TRMT1: variants seen among roughly 807,000 people sequenced by gnomAD.
TRMT1 encodes the protein tRNA (guanine(26)-N(2))-dimethyltransferase.
A neutral mutation model predicts 75.4 loss-of-function variants in TRMT1; 63 were observed. The observed-to-expected ratio is 0.84, with a 90% CI of 0.68 to 1.03. TRMT1 has a LOEUF of 1.03. Among genes scored for constraint, TRMT1 ranks in the 50% least tolerant of loss-of-function variants. The pLI is 0.00. For missense variants in TRMT1, 870 were observed against 905.3 expected (o/e 0.96, Z 0.50); for synonymous variants, 382 against 358.1 (o/e 1.07, Z -0.75).
chr19:13,107,493 C>A, intron 14 of TRMT1, 81 bp downstream of exon 14: 1 of 1,454,180 alleles, frequency 6.9e-7, no homozygotes, highest in Non-Finnish European at 9.4e-7. Flanking sequence ...CTGTGTGGGG[C>A]AGCATCTGTG....
At position 13,105,321 on chromosome 19, in the gene TRMT1, A is replaced by G. The variant is rs1426224282; in HGVS notation, c.1779T>C (p.Asp593=). 2 of 1,614,024 alleles carry G rather than the reference A, an allele frequency of 1.2e-6. No individual in the cohort carries two copies. Among genetic ancestry groups the G allele is most frequent in the Non-Finnish European group, 1.7e-6 (2 of 1,180,018 alleles). ...TGAGCCGGGCAGCCCGCTGGGCCACATCTTCCGGCGGCTCCTTCCGCTTGT... is the reference window on the plus strand; with the variant it reads ...TGAGCCGGGCAGCCCGCTGGGCCACGTCTTCCGGCGGCTCCTTCCGCTTGT... The part of the protein sequence containing the change: ...LQNKRKEPPE[D]VAQRAARLKT... Residue 593 remains aspartate (D), a synonymous_variant, in exon 16 of 17, where the codon GAT becomes GAC. Transcript: ENST00000357720.
chr19:13,111,334 C>A (rs2019130585), intron 7 of TRMT1, among the ~76,000 whole-genome samples: 1 of 152,120 alleles, frequency 6.6e-6, no homozygotes, highest in Admixed American at 6.5e-5. Context: ...CTGCACTTCG[C>A]CACTCAGCCT....
chr19:13,114,156 G>A (rs1280464288), intron 5 of TRMT1, among the ~76,000 whole-genome samples: 1 of 152,174 alleles, frequency 6.6e-6, no homozygotes, highest in Non-Finnish European at 1.5e-5. Flanking sequence ...AGTCATATGT[G>A]GTCCCTACTG....
chr19:13,105,543 C>T lies in TRMT1; in HGVS notation c.1647G>A (p.Lys549=). ...ANPSSRQRGL[K]RFQANPEANW... ...TGGCCTCCGGGTTAGCCTGGAAGCG[C>T]TTGAGTCCTCGCTGTCGGGAGCTGG... is the stretch of plus-strand genomic sequence containing the variant. The change falls in exon 15 of 17, where the codon AAG becomes AAA. Residue 549 remains lysine, a synonymous_variant. Transcript: ENST00000357720. 1 of 1,614,062 alleles carries T rather than the reference C, an allele frequency of 6.2e-7. No homozygotes were observed. The highest frequency in any genetic ancestry group is 8.5e-7 in the Non-Finnish European group (1 of 1,180,018).
At chr19:13,108,147 C>T (rs992938185) in intron 12 of TRMT1, among the ~76,000 whole-genome samples, 2 of 151,678 alleles carry the variant, frequency 1.3e-5, no homozygotes, top group African/African-American at 4.8e-5. Context: ...TGTGCCACCA[C>T]GCCCAGCTAA....
intron 7 of TRMT1, among the ~76,000 whole-genome samples, chr19:13,110,882 G>A (rs1029293852): frequency 3.9e-5 from 6 of 152,200 alleles, no homozygotes; most frequent in East Asian, 1.9e-4. Context: ...CCTGGGAGGC[G>A]AAGGTTGCAG....
chr19:13,109,521 C>G, intron 11 of TRMT1, 29 bp downstream of exon 11: 6 of 1,613,936 alleles, frequency 3.7e-6, no homozygotes, highest in Middle Eastern at 1.7e-4. Context: ...CAGGTGGAGC[C>G]CCCTTCCCCG....
In TRMT1 at chr19:13,116,289, C is replaced by T. The variant is rs2019354266; in HGVS notation, c.111G>A (p.Met37Ile). The T allele has an allele frequency of 1.2e-6, 2 of 1,614,140 alleles. No homozygotes were observed. ...QSPGLPNTAA[M>I]ENGTGPYGEE... Reference sequence around the variant, plus strand: ...CTCCGTAGGGCCCGGTGCCGTTCTCCATCGCTGCTGTATTCGGCAGCCCTG... The same window carrying T: ...CTCCGTAGGGCCCGGTGCCGTTCTCTATCGCTGCTGTATTCGGCAGCCCTG... The change falls in exon 2 of 17, where the codon ATG (methionine) becomes ATA (isoleucine). Residue 37 changes from methionine (M) to isoleucine (I), a missense_variant. By Grantham distance (10) the Met-to-Ile change is conservative. Transcript: ENST00000357720.
At chr19:13,115,894 G>A in intron 3 of TRMT1, 103 bp downstream of exon 3, 1 of 1,607,518 alleles carries the variant, frequency 6.2e-7, no homozygotes, top group Non-Finnish European at 8.5e-7. Flanking sequence ...CCCAGGGCCT[G>A]CTATGTGGCT....
chr19:13,113,146 C>T (rs1408916715), intron 5 of TRMT1, 135 bp from the exon 6 acceptor site: 2 of 506,712 alleles, frequency 3.9e-6, no homozygotes, highest in African/African-American at 2.0e-5. Flanking sequence ...AGTCCTGGCT[C>T]AGTCATTTAT....
At chr19:13,115,082 A>G (rs1458244707) in intron 5 of TRMT1, among the ~76,000 whole-genome samples, 197 bp downstream of exon 5, 1 of 152,232 alleles carries the variant, frequency 6.6e-6, no homozygotes, top group Non-Finnish European at 1.5e-5. Context: ...GGCACAGAGT[A>G]TGGATCATAC....
intron 12 of TRMT1, among the ~76,000 whole-genome samples, chr19:13,108,221 C>T (rs1653868771): frequency 6.6e-6 from 1 of 151,796 alleles, no homozygotes; most frequent in African/African-American, 2.4e-5. Flanking sequence ...GATCTCTTAA[C>T]CTTGTGATCC....
rs1446089679 is a variant in TRMT1 at position 13,115,754 on chromosome 19, C to T, written c.325G>A (p.Glu109Lys). 11 of 1,614,022 alleles carry T rather than the reference C, an allele frequency of 6.8e-6. No individual in the cohort carries two copies. The highest frequency in any genetic ancestry group is 8.5e-6 in the Non-Finnish European group (10 of 1,180,042). ...AKGIQIKVPG[E>K]KDTQKVVVDL... ...ACGACCACTTTTTGCGTGTCCTTCT[C>T]TCCTGGAACCTTGACTGCAGCCACC... Residue 109 changes from glutamate to lysine, a missense_variant, in exon 4 of 17, where the codon GAG becomes AAG. Physicochemically the swap from Glu to Lys is moderately conservative, Grantham distance 56. Coordinates refer to ENST00000357720, the MANE Select transcript of TRMT1 (RefSeq NM_001136035.4).
intron 12 of TRMT1, among the ~76,000 whole-genome samples, chr19:13,108,211 G>A (rs1322919883): frequency 1.3e-5 from 2 of 151,812 alleles, no homozygotes; most frequent in South Asian, 4.2e-4. Context: ...GGATGGTCTC[G>A]ATCTCTTAAC....
intron 7 of TRMT1, among the ~76,000 whole-genome samples, chr19:13,110,535 C>T (rs2019101164): frequency 1.3e-5 from 2 of 152,246 alleles, no homozygotes; most frequent in Admixed American, 1.3e-4. Context: ...GCTGGGGGCA[C>T]TAAACGAGTG....
chr19:13,115,933 G>T, intron 3 of TRMT1, 64 bp downstream of exon 3: 1 of 1,612,940 alleles, frequency 6.2e-7, no homozygotes, highest in East Asian at 2.2e-5. Context: ...GGCGGCAGAA[G>T]AGCCCAGGCA....
chr19:13,107,862 G>A lies in TRMT1; in HGVS notation c.1398-3C>T. Reference sequence around the variant, plus strand: ...AGTCAGCGTGGAGGAGGGCCGACCTGGGGAACAGCAGGGATTATGAGGGAG... The same window carrying A: ...AGTCAGCGTGGAGGAGGGCCGACCTAGGGAACAGCAGGGATTATGAGGGAG... On this transcript the variant is annotated splice_region_variant and splice_polypyrimidine_tract_variant and intron_variant, in intron 12 of 16. Coordinates refer to ENST00000357720, the MANE Select transcript of TRMT1 (RefSeq NM_001136035.4). 6.4e-7 allele frequency: 1 copy of A among 1,551,366 alleles called. No individual in the cohort carries two copies. Among genetic ancestry groups the A allele is most frequent in the Non-Finnish European group, 8.7e-7 (1 of 1,146,738 alleles).
chr19:13,115,156 G>C, intron 5 of TRMT1, 123 bp downstream of exon 5: 1 of 1,082,236 alleles, frequency 9.2e-7, no homozygotes, highest in South Asian at 1.7e-5. Context: ...TGACAGACAA[G>C]GAAACTGGGG....
Position 13,115,606 on chromosome 19 carries a change from C to G in TRMT1, c.453+20G>C. On this transcript the variant is annotated intron_variant, in intron 4 of 16. Transcript: ENST00000357720. ...TCCCGCTAAATTCCAGGGCTGCCAG[C>G]TCCTATGCTCAGGCCCCACCTCACA... The G allele has an allele frequency of 6.2e-7, 1 of 1,613,302 alleles. No homozygotes were observed. The highest frequency in any genetic ancestry group is 8.5e-7 in the Non-Finnish European group (1 of 1,179,624).
Sources: gnomAD v4.1 joint callset for allele counts (sites outside exome capture counted in the v4.1 genomes callset) on GRCh38, gnomAD v4.1.1 for gene constraint, MANE v1.5 for transcripts, NCBI Gene and HGNC (gene_info 2026-07-23, HGNC 2026-07-21) for gene names.